Variants in SLC7A2 observed in about 807,000 individuals in gnomAD.
SLC7A2 encodes the protein solute carrier family 7 member 2.
SLC7A2 carries 48 observed loss-of-function variants against 58.9 expected under a neutral mutation model. The observed-to-expected ratio is 0.82, with a 90% confidence interval of 0.65 to 1.04. SLC7A2 has a LOEUF of 1.04. Ranked by LOEUF, SLC7A2 falls within the 50% of genes least tolerant of loss-of-function variation. The pLI is 0.00. For missense variants in SLC7A2, 1,029 were observed against 818.8 expected, an observed-to-expected ratio of 1.26 and a Z score of -3.13; for synonymous variants, 363 against 314.5, an observed-to-expected ratio of 1.15 and a Z score of -1.63.
chr8:17,513,853 G>T (rs1800698337), intron 2 of SLC7A2, among the ~76,000 whole-genome samples: 1 of 151,928 alleles, frequency 6.6e-6, no homozygotes, highest in African/African-American at 2.4e-5. Flanking sequence ...ATAGGTAAGT[G>T]GATTACACCA....
chr8:17,499,698 T>G (rs1800080029), intron 1 of SLC7A2, among the ~76,000 whole-genome samples: 1 of 151,944 alleles, frequency 6.6e-6, no homozygotes, highest in Non-Finnish European at 1.5e-5. Flanking sequence ...GTCATCCAAA[T>G]GAATCCTGAA....
At position 17,562,214 on chromosome 8, in the gene SLC7A2, T is replaced by C. The variant is rs1219399610; in HGVS notation, c.1671+104T>C. The C allele has an allele frequency of 3.6e-4, 245 of 676,524 alleles. 18 individuals carry two copies. Among genetic ancestry groups the C allele is most frequent in the Non-Finnish European group, 5.0e-4 (229 of 457,652 alleles). 41.9% of individuals were successfully genotyped at this position (676,524 alleles called of 1,614,324 possible). On this transcript the variant is annotated intron_variant, in intron 11 of 12. Coordinates refer to ENST00000494857, the MANE Select transcript of SLC7A2 (RefSeq NM_001370338.1). ...TTTTTTTTTTTTTTTTTTTTTTTTTTTGGAGATGGAATCTCTCTCTTTGTC... is the reference window on the plus strand; with the variant it reads ...TTTTTTTTTTTTTTTTTTTTTTTTTCTGGAGATGGAATCTCTCTCTTTGTC...
chr8:17,534,809 G>T (rs1362664391), intron 2 of SLC7A2, among the ~76,000 whole-genome samples: 1 of 151,868 alleles, frequency 6.6e-6, no homozygotes, highest in Non-Finnish European at 1.5e-5. Flanking sequence ...AAACTATATG[G>T]CATGTAAAGT....
At chr8:17,527,189 AC>A (rs2150702974) in intron 2 of SLC7A2, among the ~76,000 whole-genome samples, 1 of 152,298 alleles carries the variant, frequency 6.6e-6, no homozygotes, top group South Asian at 2.1e-4. Context: ...ATAATATGAA[AC>A]TTAAAATGCT....
At chr8:17,549,180 TG>T (rs1048120620) in intron 5 of SLC7A2, among the ~76,000 whole-genome samples, 7 of 152,020 alleles carry the variant, frequency 4.6e-5, no homozygotes, top group African/African-American at 1.7e-4. Context: ...CACCTCCCAC[TG>T]GGTCCCTGCC....
At chr8:17,563,760 G>A in intron 12 of SLC7A2, 49 bp downstream of exon 12, 1 of 1,118,494 alleles carries the variant, frequency 8.9e-7, no homozygotes, top group Non-Finnish European at 1.4e-6. Context: ...GTGCTGTGAT[G>A]AGAGAAACAT....
Position 17,564,641 on chromosome 8 carries a change from C to T in SLC7A2, c.1781-309C>T, listed in dbSNP as rs1585278000. On this transcript the variant is annotated intron_variant, in intron 12 of 12. Coordinates refer to ENST00000494857, the MANE Select transcript of SLC7A2 (RefSeq NM_001370338.1). Reference sequence around the variant, plus strand: ...ATGGAACCTAGATCCCTCACGTGTGCAGTCCCTTCTGTGAGAATCTAATGC... The same window carrying T: ...ATGGAACCTAGATCCCTCACGTGTGTAGTCCCTTCTGTGAGAATCTAATGC... Among the ~76,000 whole-genome samples, 4 of 152,246 alleles carry T rather than the reference C, an allele frequency of 2.6e-5. No individual in the cohort carries two copies. The South Asian group carries it at 8.3e-4, about 32-fold the overall frequency.
chr8:17,518,649 CAAAG>C (rs1800896012), intron 2 of SLC7A2, among the ~76,000 whole-genome samples: 1 of 151,768 alleles, frequency 6.6e-6, no homozygotes, highest in African/African-American at 2.4e-5. Context: ...AAAAGACAAA[CAAAG>C]AAGCTTTATT....
chr8:17,510,258 G>T (rs1800549864), intron 2 of SLC7A2, among the ~76,000 whole-genome samples: 1 of 143,420 alleles, frequency 7.0e-6, no homozygotes, highest in Admixed American at 7.1e-5. Context: ...AATAATAAAA[G>T]AGTGAGCTGG....
rs539364909 is a variant in SLC7A2 at position 17,528,025 on chromosome 8, C to T, written c.-22-15293C>T. Reference sequence around the variant, plus strand: ...CAGGGGTGATTGGGAGCCATCCAGGCGAAGAGGGGAAGGAGTAACCTTCCA... The same window carrying T: ...CAGGGGTGATTGGGAGCCATCCAGGTGAAGAGGGGAAGGAGTAACCTTCCA... On this transcript the variant is annotated intron_variant, in intron 2 of 12. Coordinates refer to ENST00000494857, the MANE Select transcript of SLC7A2 (RefSeq NM_001370338.1). Among the ~76,000 whole-genome samples the T allele has an allele frequency of 3.9e-5, 6 of 152,026 alleles. No individual in the cohort carries two copies. In the South Asian group the frequency reaches 8.3e-4, roughly 21 times the overall value.
intron 7 of SLC7A2, among the ~76,000 whole-genome samples, chr8:17,553,272 A>T (rs1167877216): frequency 6.6e-6 from 1 of 152,044 alleles, no homozygotes; most frequent in African/African-American, 2.4e-5. Flanking sequence ...GCTGGTCTTG[A>T]ACTCCTGGGC....
chr8:17,497,765 A>G (rs936018624), intron 1 of SLC7A2, among the ~76,000 whole-genome samples: 1 of 152,184 alleles, frequency 6.6e-6, no homozygotes, highest in Non-Finnish European at 1.5e-5. Context: ...CACATTCTGC[A>G]GGGGACCTGG....
chr8:17,507,552 A>C (rs567832379), intron 2 of SLC7A2, among the ~76,000 whole-genome samples: 11 of 152,282 alleles, frequency 7.2e-5, no homozygotes, highest in African/African-American at 2.6e-4. Context: ...GAACATCCAC[A>C]ATGCAAAGAG....
In SLC7A2 at chr8:17,530,957, G is replaced by A. The variant is rs545470680; in HGVS notation, c.-22-12361G>A. The stretch of plus-strand genomic sequence containing the variant: ...AATAAGCATTAATTGTTATTTTAAA[G>A]TATGCTGATATTTCTAAATATTTCT... On this transcript the variant is annotated intron_variant, in intron 2 of 12. Transcript: ENST00000494857. Among the ~76,000 whole-genome samples the A allele has an allele frequency of 5.9e-5, 9 of 152,262 alleles. No homozygotes were observed. In the South Asian group the frequency reaches 1.7e-3, roughly 28 times the overall value.
intron 2 of SLC7A2, among the ~76,000 whole-genome samples, chr8:17,516,125 G>A (rs1189109634): frequency 3.3e-5 from 5 of 151,906 alleles, no homozygotes; most frequent in Non-Finnish European, 5.9e-5. Flanking sequence ...ATACCTATTC[G>A]TGATTCTAAA....
intron 2 of SLC7A2, among the ~76,000 whole-genome samples, chr8:17,513,732 A>G (rs1380112291): frequency 6.6e-6 from 1 of 152,180 alleles, no homozygotes; most frequent in African/African-American, 2.4e-5. Context: ...CTAAGAAATA[A>G]CTGTGGAATC....
chr8:17,541,224 G>A (rs13280567), intron 2 of SLC7A2, among the ~76,000 whole-genome samples: 2 of 151,994 alleles, frequency 1.3e-5, no homozygotes, highest in Admixed American at 1.3e-4. Context: ...CCCTCAGTTG[G>A]TTTTTATATA....
chr8:17,497,481 T>C (rs1274258308), intron 1 of SLC7A2, among the ~76,000 whole-genome samples: 5 of 152,176 alleles, frequency 3.3e-5, no homozygotes, highest in African/African-American at 7.2e-5. Flanking sequence ...TCCTCGGGGC[T>C]GCGCCCCGGA....
In SLC7A2 at chr8:17,565,630, T is replaced by A. The variant is rs546312331; in HGVS notation, c.*484T>A. The stretch of plus-strand genomic sequence containing the variant: ...ACTTCATTAATGTCAGTTTAGGGGA[T>A]GCCAAAAATGCAGTTACTCATCATG... On this transcript the variant is annotated 3_prime_UTR_variant, in exon 13 of 13. Coordinates refer to ENST00000494857, the MANE Select transcript of SLC7A2 (RefSeq NM_001370338.1). The A allele has an allele frequency of 6.5e-6, 1 of 153,144 alleles. No homozygotes were observed. The highest frequency in any genetic ancestry group is 1.9e-4 in the East Asian group (1 of 5,192). The allele number at this position is 153,144 out of a possible 1,614,324, so 9.5% of individuals were successfully genotyped here.
Sources: gnomAD v4.1 joint callset for allele counts (sites outside exome capture counted in the v4.1 genomes callset) on GRCh38, gnomAD v4.1.1 for gene constraint, MANE v1.5 for transcripts, NCBI Gene and HGNC (gene_info 2026-07-23, HGNC 2026-07-21) for gene names.